ANKS1B: variants seen among roughly 807,000 people sequenced by gnomAD.
ANKS1B encodes ankyrin repeat and sterile alpha motif domain containing 1B.
In ANKS1B, 36 loss-of-function variants were observed where a neutral mutation model predicts 148.3. The ratio of observed to expected loss-of-function variants is 0.24; its 90% confidence interval spans 0.19 to 0.32. ANKS1B has a LOEUF of 0.32. Among genes scored for constraint, ANKS1B ranks in the 10% least tolerant of loss-of-function variants. ANKS1B has a pLI of 1.00. For synonymous variants in ANKS1B, 542 were observed against 560.8 expected, an observed-to-expected ratio of 0.97 and a Z score of 0.47; for missense variants, 1,157 against 1,542.6, an observed-to-expected ratio of 0.75 and a Z score of 4.19.
At chr12:99,241,850 C>G (rs1028384899) in intron 14 of ANKS1B, among the ~76,000 whole-genome samples, 1 of 152,146 alleles carries the variant, frequency 6.6e-6, no homozygotes, top group Non-Finnish European at 1.5e-5. Context: ...ATTCAACAGC[C>G]CTTCATGCTA....
chr12:99,665,145 C>T (rs2098499501), intron 8 of ANKS1B, among the ~76,000 whole-genome samples: 1 of 152,160 alleles, frequency 6.6e-6, no homozygotes, highest in Non-Finnish European at 1.5e-5. Context: ...ATCGAAAATG[C>T]TAGGTCACAC....
intron 10 of ANKS1B, among the ~76,000 whole-genome samples, chr12:99,503,621 TGAAA>T (rs892425007): frequency 7.2e-5 from 11 of 152,300 alleles, no homozygotes; most frequent in Middle Eastern, 6.8e-3. Flanking sequence ...CTAATCTCCT[TGAAA>T]GAGTCATCCG....
At chr12:99,827,888 T>C (rs1255124970) in intron 1 of ANKS1B, among the ~76,000 whole-genome samples, 5 of 152,140 alleles carry the variant, frequency 3.3e-5, no homozygotes, top group African/African-American at 1.2e-4. Context: ...CATCAAATCA[T>C]ACCATACAAA....
At chr12:98,846,149 T>C (rs1004795760) in intron 17 of ANKS1B, among the ~76,000 whole-genome samples, 15 of 152,180 alleles carry the variant, frequency 9.9e-5, no homozygotes, top group Non-Finnish European at 1.5e-5. Context: ...AGACTATTTG[T>C]CACTGGGCCA....
intron 12 of ANKS1B, among the ~76,000 whole-genome samples, chr12:99,366,801 A>C (rs1205873049): frequency 6.6e-6 from 1 of 152,218 alleles, no homozygotes; most frequent in African/African-American, 2.4e-5. Flanking sequence ...ACTATGACTC[A>C]AAATACGGAA....
At chr12:99,806,277 T>C in intron 4 of ANKS1B, 127 bp downstream of exon 4, 1 of 1,163,724 alleles carries the variant, frequency 8.6e-7, no homozygotes, top group South Asian at 1.5e-5. Context: ...TACCTTGAAC[T>C]CAGTAGTTAC....
In ANKS1B at chr12:98,931,221, G is replaced by A. The variant is rs114766789; in HGVS notation, c.2779-99085C>T. 3.2e-3 allele frequency among the ~76,000 whole-genome samples: 490 copies of A among 152,218 alleles called. 2 individuals carry two copies. Among genetic ancestry groups the A allele is most frequent in the African/African-American group, 0.011 (473 of 41,526 alleles). The stretch of plus-strand genomic sequence containing the variant: ...TATCCCCTGCTACACTTTAAATACA[G>A]AGCCCAATCCACCATATCTTTCAAA... On this transcript the variant is annotated intron_variant, in intron 17 of 26. Coordinates refer to ENST00000683438, the MANE Select transcript of ANKS1B (RefSeq NM_001352186.2).
chr12:98,762,781 T>G (rs1361732527), intron 25 of ANKS1B, among the ~76,000 whole-genome samples: 1 of 152,196 alleles, frequency 6.6e-6, no homozygotes, highest in Non-Finnish European at 1.5e-5. Context: ...TGGTATTTAT[T>G]ATGATTTTCT....
intron 2 of ANKS1B, among the ~76,000 whole-genome samples, chr12:99,821,347 T>A (rs576154569): frequency 1.3e-5 from 2 of 152,070 alleles, no homozygotes; most frequent in South Asian, 4.1e-4. Flanking sequence ...CACAGACATA[T>A]AATTCCCACA....
At chr12:98,856,388 T>C (rs2099571868) in intron 17 of ANKS1B, among the ~76,000 whole-genome samples, 1 of 152,232 alleles carries the variant, frequency 6.6e-6, no homozygotes, top group Admixed American at 6.5e-5. Flanking sequence ...CTAGCTCTAA[T>C]ATGTACAGGT....
At chr12:99,549,489 TTC>T (rs1394421119) in intron 9 of ANKS1B, among the ~76,000 whole-genome samples, 1 of 152,210 alleles carries the variant, frequency 6.6e-6, no homozygotes, top group Non-Finnish European at 1.5e-5. Context: ...TTCTTCTTCA[TTC>T]TCTTTCTTCC....
intron 9 of ANKS1B, among the ~76,000 whole-genome samples, chr12:99,590,960 T>C (rs1024523975): frequency 2.0e-5 from 3 of 152,176 alleles, no homozygotes; most frequent in Non-Finnish European, 4.4e-5. Flanking sequence ...GAACAAATTA[T>C]TGCAAATTCA....
chr12:99,803,544 A>T (rs2067232405), intron 4 of ANKS1B, among the ~76,000 whole-genome samples: 1 of 152,148 alleles, frequency 6.6e-6, no homozygotes, highest in African/African-American at 2.4e-5. Context: ...GTTCAAAGTG[A>T]TCTAAGCATA....
At chr12:99,755,902 TAAG>T (rs768146187) in intron 8 of ANKS1B, among the ~76,000 whole-genome samples, 1 of 151,956 alleles carries the variant, frequency 6.6e-6, no homozygotes, top group Non-Finnish European at 1.5e-5. Context: ...CTCAAAATAA[TAAG>T]GACATACCTT....
intron 11 of ANKS1B, among the ~76,000 whole-genome samples, chr12:99,413,128 C>T (rs369531917): frequency 2.6e-5 from 4 of 152,092 alleles, no homozygotes; most frequent in Non-Finnish European, 4.4e-5. Context: ...ATTTAAGAGA[C>T]GTGGACATTC....
At chr12:98,836,731 G>A (rs201403) in intron 17 of ANKS1B, among the ~76,000 whole-genome samples, 73,523 of 151,882 alleles carry the variant, frequency 0.48, 18,363 homozygotes, top group East Asian at 0.72. Context: ...CTGTGTTTTC[G>A]TTACTGTTTG....
intron 8 of ANKS1B, among the ~76,000 whole-genome samples, chr12:99,690,841 G>C (rs1466431235): frequency 6.6e-6 from 1 of 152,172 alleles, no homozygotes; most frequent in Non-Finnish European, 1.5e-5. Context: ...AGCTCCACTA[G>C]GCACTGCCCC....
At chr12:99,135,606 GA>G (rs1314961548) in intron 15 of ANKS1B, among the ~76,000 whole-genome samples, 1 of 152,154 alleles carries the variant, frequency 6.6e-6, no homozygotes, top group Non-Finnish European at 1.5e-5. Context: ...TCCATACTCA[GA>G]AAAATTACAT....
At chr12:99,040,480 C>T (rs937588460) in intron 17 of ANKS1B, among the ~76,000 whole-genome samples, 7 of 152,204 alleles carry the variant, frequency 4.6e-5, no homozygotes, top group Admixed American at 3.3e-4. Flanking sequence ...GGAAAGACTG[C>T]GGATGTTCAT....
Sources: allele counts gnomAD v4.1 joint callset (sites outside exome capture counted in the v4.1 genomes callset), GRCh38; gene constraint gnomAD v4.1.1; transcripts MANE v1.5; gene names NCBI Gene and HGNC (gene_info 2026-07-23, HGNC 2026-07-21).